HLA-DQB2: variants seen among roughly 807,000 people sequenced by gnomAD.
HLA-DQB2 encodes major histocompatibility complex, class II, DQ beta 2, also known as HLA class II histocompatibility antigen, DQ beta 2 chain.
HLA-DQB2 carries 24 observed loss-of-function variants against 29.2 expected under a neutral mutation model. The ratio of observed to expected loss-of-function variants is 0.82; its 90% CI spans 0.60 to 1.16. The LOEUF (loss-of-function observed/expected upper bound fraction) is 1.16. Among genes scored for constraint, HLA-DQB2 ranks in the 50% most tolerant of loss-of-function variants. The pLI is 0.00. For missense variants in HLA-DQB2, 273 were observed against 343.6 expected (o/e 0.79, Z 1.62); for synonymous variants, 104 against 133.1 (o/e 0.78, Z 1.51).
At chr6:32,760,043 T>A (rs1188070717) in intron 2 of HLA-DQB2, among the ~76,000 whole-genome samples, 1 of 151,750 alleles carries the variant, frequency 6.6e-6, no homozygotes, top group Non-Finnish European at 1.5e-5. Flanking sequence ...AGACTGAAAG[T>A]AAAAATAGAG....
chr6:32,756,308 C>T lies in HLA-DQB2; in HGVS notation c.*145G>A. The T allele has an allele frequency of 1.5e-6, 1 of 668,968 alleles. No homozygotes were observed. The allele number at this position is 668,968 out of a possible 1,614,324, so 41.4% of individuals were successfully genotyped here. A position where few individuals can be genotyped will look rare whatever the true frequency, so the allele number is the denominator to read the frequency against. ...CACCAGTGCCTTGGGATGGGGATCA[C>T]AGAAGGTGACCTGTGGCTGCATGAG... On this transcript the variant is annotated 3_prime_UTR_variant, in exon 6 of 6. Coordinates refer to ENST00000437316, the MANE Select transcript of HLA-DQB2 (RefSeq NM_001300790.2).
intron 3 of HLA-DQB2, 134 bp from the exon 4 acceptor site, chr6:32,758,017 C>A: frequency 1.4e-6 from 1 of 712,082 alleles, no homozygotes; most frequent in South Asian, 2.0e-5. Flanking sequence ...GCCAGTAGGT[C>A]TTTGGACACA....
intron 2 of HLA-DQB2, among the ~76,000 whole-genome samples, chr6:32,760,948 G>T (rs202242820): frequency 0.17 from 22,322 of 134,978 alleles, no homozygotes; most frequent in East Asian, 0.28. Flanking sequence ...CTAAGTGGAT[G>T]GGCAGCTGAG....
Position 32,761,478 on chromosome 6 carries a change from C to T in HLA-DQB2, c.364+182G>A, listed in dbSNP as rs377657516. Among the ~76,000 whole-genome samples, 11 of 152,292 alleles carry T rather than the reference C, an allele frequency of 7.2e-5. No homozygotes were observed. In the East Asian group the frequency reaches 1.2e-3, roughly 16 times the overall value. ...CTAAGGGATGCTTTTGTGCATCCCCCTGCTCTGCCCTAGATCCCCGCCCCT... is the reference window on the plus strand; with the variant it reads ...CTAAGGGATGCTTTTGTGCATCCCCTTGCTCTGCCCTAGATCCCCGCCCCT... On this transcript the variant is annotated intron_variant, in intron 2 of 5. Transcript: ENST00000437316.
intron 2 of HLA-DQB2, among the ~76,000 whole-genome samples, chr6:32,760,290 A>C (rs1213515782): frequency 6.6e-6 from 1 of 152,172 alleles, no homozygotes; most frequent in Non-Finnish European, 1.5e-5. Context: ...GAATAGACCC[A>C]TTGCTGCTTC....
At position 32,763,487 on chromosome 6, in the gene HLA-DQB2, G is replaced by GTGTTGGA. The variant is rs1562235360; in HGVS notation, c.-18_-17insTCCAACA. 21 of 1,519,240 alleles carry GTGTTGGA rather than the reference G, an allele frequency of 1.4e-5. No homozygotes were observed. Among genetic ancestry groups the GTGTTGGA allele is most frequent in the Non-Finnish European group, 1.9e-5 (21 of 1,117,360 alleles). The allele number at this position is 1,519,240 out of a possible 1,614,324, so 94.1% of individuals were successfully genotyped here. On this transcript the variant is annotated 5_prime_UTR_variant, in exon 1 of 6. Coordinates refer to ENST00000437316, the MANE Select transcript of HLA-DQB2 (RefSeq NM_001300790.2). Reference sequence around the variant, plus strand: ...CAGAGCCATCTTCCAAGACGTAAGTGAGACCAAGGAAAAAGCAGTGGTAGT... The same window carrying GTGTTGGA: ...CAGAGCCATCTTCCAAGACGTAAGTGTGTTGGAAGACCAAGGAAAAAGCAGTGGTAGT...
Position 32,757,874 on chromosome 6 carries a change from G to A in HLA-DQB2, c.656C>T (p.Ser219Phe). Residue 219 changes from serine to phenylalanine, a missense_variant, in exon 4 of 6, where the codon TCT becomes TTT. Ser to Phe is a radical substitution (Grantham distance 155, BLOSUM62 -2). Transcript: ENST00000437316. ...SPITVEWRAQ[S>F]ESAQSKMLSG... is the part of the protein sequence containing the mutation. Reference sequence around the variant, plus strand: ...CAGCATCTTGCTCTGGGCAGATTCAGACTGAGCCCCTAAGGAGCAGAACTG... The same window carrying A: ...CAGCATCTTGCTCTGGGCAGATTCAAACTGAGCCCCTAAGGAGCAGAACTG... 1.2e-6 allele frequency: 2 copies of A among 1,603,296 alleles called. No homozygotes were observed. The highest frequency in any genetic ancestry group is 1.7e-6 in the Non-Finnish European group (2 of 1,177,218).
At chr6:32,756,886 G>A in intron 5 of HLA-DQB2, 1 of 1,182,672 alleles carries the variant, frequency 8.5e-7, no homozygotes. Flanking sequence ...TGCCACCAAA[G>A]TTAAGGCCTG....
At chr6:32,756,768 C>T (rs1189812068) in intron 5 of HLA-DQB2, 2 of 1,264,166 alleles carry the variant, frequency 1.6e-6, no homozygotes, top group Non-Finnish European at 2.0e-6. Context: ...CTCTTTTAGT[C>T]ACTGAAAATG....
At chr6:32,758,620 A>G (rs1229835019) in intron 3 of HLA-DQB2, among the ~76,000 whole-genome samples, 1 of 152,212 alleles carries the variant, frequency 6.6e-6, no homozygotes, top group Non-Finnish European at 1.5e-5. Context: ...TTGTAGCAGT[A>G]CAAGAATGGA....
intron 2 of HLA-DQB2, among the ~76,000 whole-genome samples, chr6:32,761,239 T>A (rs932130172): frequency 7.3e-6 from 1 of 137,076 alleles, no homozygotes; most frequent in Non-Finnish European, 1.5e-5. Context: ...GCGCGAGCTG[T>A]GCAAGTGGGC....
chr6:32,757,167 A>G, intron 5 of HLA-DQB2, 114 bp downstream of exon 5: 1 of 1,508,244 alleles, frequency 6.6e-7, no homozygotes, highest in Non-Finnish European at 9.0e-7. Context: ...TTACAGATGC[A>G]CACCACCACG....
In HLA-DQB2 at chr6:32,757,860, T is replaced by G. The variant is rs556579358; in HGVS notation, c.670A>C (p.Ser224Arg). Residue 224 changes from serine (S) to arginine (R), a missense_variant, in exon 4 of 6, where the codon AGC (serine) becomes CGC (arginine). Transcript: ENST00000437316. ...CCTCCAATGCCACTCAGCATCTTGC[T>G]CTGGGCAGATTCAGACTGAGCCCCT... ...EWRAQSESAQ[S>R]KMLSGIGGFV... The G allele has an allele frequency of 1.2e-4, 197 of 1,613,154 alleles. No individual in the cohort carries two copies. The highest frequency in any genetic ancestry group is 9.9e-4 in the Middle Eastern group (6 of 6,080).
intron 1 of HLA-DQB2, 92 bp from the exon 2 acceptor site, chr6:32,762,018 C>T (rs909266596): frequency 6.0e-6 from 9 of 1,493,670 alleles, no homozygotes; most frequent in South Asian, 2.5e-5. Context: ...TGCCCTGACC[C>T]GGCCAGCAGC....
chr6:32,759,090 G>A lies in HLA-DQB2; in HGVS notation c.406C>T (p.Leu136Phe). 1 of 1,613,942 alleles carries A rather than the reference G, an allele frequency of 6.2e-7. No individual in the cohort carries two copies. Reference sequence around the variant, plus strand: ...CAGACCAGCAGGTTGTGGTGGTTGAGGGCCTCTGTCCTGGATGGGGAGATG... The same window carrying A: ...CAGACCAGCAGGTTGTGGTGGTTGAAGGCCTCTGTCCTGGATGGGGAGATG... ...VTISPSRTEA[L>F]NHHNLLVCSV... Residue 136 changes from leucine to phenylalanine, a missense_variant, in exon 3 of 6, where the codon CTC (leucine) becomes TTC (phenylalanine). Leu to Phe is a conservative substitution (Grantham distance 22). Transcript: ENST00000437316.
chr6:32,758,819 C>G (rs1562219973), intron 3 of HLA-DQB2, 31 bp downstream of exon 3: 1 of 1,597,306 alleles, frequency 6.3e-7, no homozygotes. Flanking sequence ...CTTGTGGGGC[C>G]CACAGTAAAA....
In HLA-DQB2 at chr6:32,757,864, G is replaced by C. The variant is rs1764414837; in HGVS notation, c.666C>G (p.Ala222=). ...CAATGCCACTCAGCATCTTGCTCTG[G>C]GCAGATTCAGACTGAGCCCCTAAGG... The part of the protein sequence containing the change: ...TVEWRAQSES[A]QSKMLSGIGG... Residue 222 remains alanine, a synonymous_variant, in exon 4 of 6, where the codon GCC becomes GCG. Coordinates refer to ENST00000437316, the MANE Select transcript of HLA-DQB2 (RefSeq NM_001300790.2). 1 of 1,612,674 alleles carries C rather than the reference G, an allele frequency of 6.2e-7. No individual in the cohort carries two copies. The highest frequency in any genetic ancestry group is 1.3e-5 in the African/African-American group (1 of 74,550).
intron 1 of HLA-DQB2, 115 bp downstream of exon 1, chr6:32,763,259 A>G (rs1195116285): frequency 1.1e-5 from 7 of 639,716 alleles, no homozygotes; most frequent in African/African-American, 5.5e-5. Context: ...AAAAGAATAA[A>G]TGGTGATAAA....
intron 2 of HLA-DQB2, among the ~76,000 whole-genome samples, chr6:32,760,100 T>C (rs1764650597): frequency 7.1e-6 from 1 of 140,926 alleles, no homozygotes; most frequent in East Asian, 2.0e-4. Flanking sequence ...TTTATAGAAA[T>C]AGACTTGAAA....
Sources: gnomAD v4.1 joint callset for allele counts (sites outside exome capture counted in the v4.1 genomes callset) on GRCh38, gnomAD v4.1.1 for gene constraint, MANE v1.5 for transcripts, NCBI Gene and HGNC (gene_info 2026-07-23, HGNC 2026-07-21) for gene names.